The following NBPF12 variants were observed in gnomAD, a reference collection of about 807,000 sequenced individuals.
NBPF12 encodes the protein NBPF family member NBPF12.
Under a neutral mutation model 146.4 loss-of-function variants are expected in NBPF12, and 115 were observed. The observed-to-expected ratio is 0.79, with a 90% confidence interval of 0.68 to 0.92. NBPF12 has a LOEUF of 0.92. NBPF12 is among the 40% of genes least tolerant of loss of function. The pLI is 0.00. For synonymous variants in NBPF12, 385 were observed against 508.9 expected (o/e 0.76, Z 3.28); for missense variants, 1,205 against 1,326.8 (o/e 0.91, Z 1.43).
Position 146,952,332 on chromosome 1 carries a change from C to G in NBPF12, c.-184+843C>G, listed in dbSNP as rs878893594. On this transcript the variant is annotated intron_variant, in intron 2 of 33. Transcript: ENST00000617844. ...CTCTAGGGCCGTGTGGTCTGTGGTT[C>G]TCTGTGAGCATCTCTTCTATTCTCT... 4.3e-4 allele frequency among the ~76,000 whole-genome samples: 66 copies of G among 152,204 alleles called. 1 individual carries two copies. In the South Asian group the frequency reaches 8.1e-3, roughly 19 times the overall value.
intron 21 of NBPF12, among the ~76,000 whole-genome samples, chr1:146,984,577 CTGTGTGTGTG>C (rs1195588193): frequency 0.052 from 6,950 of 132,528 alleles, 592 homozygotes; most frequent in African/African-American, 0.17. Flanking sequence ...TGAGCTCACA[CTGTGTGTGTG>C]TGTGTGTGTG....
At chr1:146,960,796 T>A (rs1296169816) in intron 4 of NBPF12, among the ~76,000 whole-genome samples, 1 of 151,988 alleles carries the variant, frequency 6.6e-6, no homozygotes, top group Admixed American at 6.6e-5. Context: ...TCTGAGGGGC[T>A]TCAAGAGGAG....
At chr1:146,963,119 T>C in exon 6 of NBPF12, 1 of 1,608,914 alleles carries the variant, frequency 6.2e-7, no homozygotes, top group Non-Finnish European at 8.5e-7. Context: ...TGGTTCACTC[T>C]CAGGAACGAG....
exon 2 of NBPF12, chr1:146,951,369 A>G: frequency 1.6e-6 from 1 of 633,146 alleles, no homozygotes; most frequent in Non-Finnish European, 2.8e-6. Flanking sequence ...AAGGATGGTC[A>G]AACAAAATAA....
chr1:146,956,499 A>G (rs1411777257), intron 2 of NBPF12, among the ~76,000 whole-genome samples: 1 of 151,282 alleles, frequency 6.6e-6, no homozygotes, highest in African/African-American at 2.4e-5. Context: ...TTGTACCGAA[A>G]TTATGCCTTT....
At chr1:146,967,519 T>C (rs1402159834) in intron 9 of NBPF12, among the ~76,000 whole-genome samples, 9 of 149,056 alleles carry the variant, frequency 6.0e-5, no homozygotes, top group Middle Eastern at 3.4e-3. Flanking sequence ...TAATGATAAA[T>C]AAAAATAAGA....
chr1:146,960,924 G>T (rs1655808591), intron 4 of NBPF12, among the ~76,000 whole-genome samples: 1 of 152,130 alleles, frequency 6.6e-6, no homozygotes, highest in Admixed American at 6.5e-5. Context: ...GAGGCGGGCA[G>T]AGCACGAGGT....
chr1:146,976,764 G>T (rs1469787378), intron 16 of NBPF12, among the ~76,000 whole-genome samples, 165 bp from the exon 20 acceptor site: 1 of 150,358 alleles, frequency 6.7e-6, no homozygotes, highest in African/African-American at 2.5e-5. Flanking sequence ...TTGCCTGATG[G>T]ACCAGGAAAC....
intron 31 of NBPF12, 59 bp downstream of exon 34, chr1:146,992,105 G>C: frequency 1.8e-6 from 1 of 560,952 alleles, no homozygotes; most frequent in Non-Finnish European, 3.1e-6. Flanking sequence ...TCCTGGTTCA[G>C]GGAAAACAGA....
exon 20 of NBPF12, chr1:146,982,968 T>G (rs1657486171): frequency 1.2e-6 from 2 of 1,608,756 alleles, no homozygotes; most frequent in South Asian, 2.2e-5. Context: ...CCCCCAGGAG[T>G]CCTGGGATGA....
intron 2 of NBPF12, among the ~76,000 whole-genome samples, chr1:146,956,409 C>A: frequency 6.6e-6 from 1 of 152,032 alleles, no homozygotes; most frequent in African/African-American, 2.4e-5. Context: ...TTTCCTCTAT[C>A]TTGGTTGTGG....
exon 8 of NBPF12, chr1:146,965,025 A>T: frequency 1.2e-6 from 2 of 1,608,650 alleles, no homozygotes; most frequent in Admixed American, 1.7e-5. Context: ...CATTTGAGGA[A>T]GACAAAGTCA....
chr1:146,994,911 A>C, exon 34 of NBPF12: 3 of 402,614 alleles, frequency 7.5e-6, no homozygotes, highest in Non-Finnish European at 1.4e-5. Flanking sequence ...ATACCTACTC[A>C]AGGTCAGTGT....
intron 13 of NBPF12, 114 bp from the exon 17 acceptor site, chr1:146,972,637 A>G: frequency 1.0e-6 from 1 of 970,270 alleles, no homozygotes; most frequent in East Asian, 2.4e-5. Context: ...AACCAGGGAA[A>G]CAACATCTTC....
upstream of NBPF12, chr1:146,949,292 A>G (rs1655221779): frequency 2.7e-5 from 4 of 146,384 alleles, no homozygotes; most frequent in South Asian, 9.2e-4. Context: ...GGGGCAACCC[A>G]TCCCTTCACT....
At chr1:146,969,226 C>G (rs1273826570) in intron 10 of NBPF12, among the ~76,000 whole-genome samples, 156 bp from the exon 14 acceptor site, 7 of 150,956 alleles carry the variant, frequency 4.6e-5, no homozygotes, top group African/African-American at 7.4e-5. Flanking sequence ...ACCATTTTCT[C>G]TTCTTTCTCT....
At chr1:146,980,202 G>T (rs1410499613) in intron 19 of NBPF12, among the ~76,000 whole-genome samples, 1 of 151,994 alleles carries the variant, frequency 6.6e-6, no homozygotes, top group Non-Finnish European at 1.5e-5. Context: ...TTGAGCCTAT[G>T]TGTGTCTCTG....
upstream of NBPF12, among the ~76,000 whole-genome samples, chr1:146,946,501 A>G (rs1206882407): frequency 1.3e-3 from 161 of 126,480 alleles, 1 homozygote; most frequent in Non-Finnish European, 1.5e-3. Flanking sequence ...TGAGGTGTTC[A>G]GATCTTTCAC....
chr1:146,964,368 G>C, exon 7 of NBPF12: 1 of 1,602,748 alleles, frequency 6.2e-7, no homozygotes, highest in East Asian at 2.2e-5. Context: ...AAATGATGAA[G>C]ATGAGGATGA....
Sources: gnomAD v4.1 joint callset for allele counts (sites outside exome capture counted in the v4.1 genomes callset) on GRCh38, gnomAD v4.1.1 for gene constraint, MANE v1.5 for transcripts, NCBI Gene and HGNC (gene_info 2026-07-23, HGNC 2026-07-21) for gene names.